TOPAZ1: variants seen among roughly 807,000 people sequenced by gnomAD.
TOPAZ1 encodes protein TOPAZ1.
Under a neutral mutation model 172.2 loss-of-function variants are expected in TOPAZ1, and 66 were observed. The observed-to-expected ratio is 0.38, with a 90% confidence interval of 0.31 to 0.47. The LOEUF is 0.47. Among genes scored for constraint, TOPAZ1 ranks in the 20% least tolerant of loss-of-function variants. TOPAZ1 has a pLI of 0.99. For synonymous variants in TOPAZ1, 681 were observed against 683.9 expected, an observed-to-expected ratio of 1.00 and a Z score of 0.07; for missense variants, 1,822 against 1,972.4, an observed-to-expected ratio of 0.92 and a Z score of 1.44.
intron 4 of TOPAZ1, among the ~76,000 whole-genome samples, chr3:44,261,632 A>G (rs9821268): frequency 0.48 from 72,639 of 152,020 alleles, 18,236 homozygotes; most frequent in East Asian, 0.81. Context: ...TGCCTTGTCT[A>G]TTCGCACTCT....
At chr3:44,332,117 T>C (rs1700678012), downstream of TOPAZ1, 9 of 748,614 alleles carry the variant, frequency 1.2e-5, no homozygotes, top group South Asian at 1.9e-4. Context: ...TTTGACTTTA[T>C]TGACTTACAG....
chr3:44,315,533 A>ATTTT lies in TOPAZ1; in HGVS notation c.4307-5478_4307-5475dup, dbSNP rs369669969. Among the ~76,000 whole-genome samples, 506 of 128,888 alleles carry ATTTT rather than the reference A, an allele frequency of 3.9e-3. 10 individuals are homozygous for ATTTT. Among genetic ancestry groups the ATTTT allele is most frequent in the African/African-American group, 0.014 (481 of 33,732 alleles). 84.6% of individuals were successfully genotyped at this position (128,888 alleles called of 152,430 possible). ...CAGGTGTGCACCACCACGTCTGGCTATTTTTTTTTTTTTTTTTTTAGTAGG... is the reference window on the plus strand; with the variant it reads ...CAGGTGTGCACCACCACGTCTGGCTATTTTTTTTTTTTTTTTTTTTTTTAGTAGG... On this transcript the variant is annotated intron_variant, in intron 16 of 19. Coordinates refer to ENST00000309765, the MANE Select transcript of TOPAZ1 (RefSeq NM_001145030.2).
At chr3:44,273,686 A>G (rs1250539319) in intron 8 of TOPAZ1, among the ~76,000 whole-genome samples, 1 of 152,124 alleles carries the variant, frequency 6.6e-6, no homozygotes, top group Non-Finnish European at 1.5e-5. Context: ...AGCCACAATA[A>G]TATGTGGCAA....
chr3:44,242,007 C>A lies in TOPAZ1; in HGVS notation c.-47C>A. On this transcript the variant is annotated 5_prime_UTR_variant, in exon 1 of 20. Coordinates refer to ENST00000309765, the MANE Select transcript of TOPAZ1 (RefSeq NM_001145030.2). Reference sequence around the variant, plus strand: ...AGCAGCGTTTGCACCGCGGTGGGTTCCTGCGAGCTGGTGCAGAGGGGCCCC... The same window carrying A: ...AGCAGCGTTTGCACCGCGGTGGGTTACTGCGAGCTGGTGCAGAGGGGCCCC... 1.3e-6 allele frequency: 2 copies of A among 1,512,468 alleles called. No homozygotes were observed. Among genetic ancestry groups the A allele is most frequent in the South Asian group, 1.2e-5 (1 of 82,698 alleles). The allele number at this position is 1,512,468 out of a possible 1,614,324, so 93.7% of individuals were successfully genotyped here.
At chr3:44,261,853 A>T (rs1444419806) in intron 4 of TOPAZ1, among the ~76,000 whole-genome samples, 1 of 152,008 alleles carries the variant, frequency 6.6e-6, no homozygotes, top group Non-Finnish European at 1.5e-5. Context: ...TGTAATTCTC[A>T]TTATAGAGAT....
rs1389528571 is a variant in TOPAZ1 at position 44,267,007 on chromosome 3, A to G, written c.3031A>G (p.Arg1011Gly). Residue 1011 changes from arginine (R) to glycine (G), a missense_variant, in exon 6 of 20, where the codon AGA becomes GGA. This residue lies in a region of TOPAZ1 where 1,489 missense variants were observed against 1,490.8 expected (regional missense o/e 1.00). Coordinates refer to ENST00000309765, the MANE Select transcript of TOPAZ1 (RefSeq NM_001145030.2). ...IYEVCKSKDS[R>G]NADFMVGECQ... The stretch of plus-strand genomic sequence containing the variant: ...TTTCCTTTCACACAGCAAAGATTCT[A>G]GAAATGCAGACTTTATGGTCGGCGA... 7 of 1,538,638 alleles carry G rather than the reference A, an allele frequency of 4.5e-6. No homozygotes were observed. Among genetic ancestry groups the G allele is most frequent in the Non-Finnish European group, 6.1e-6 (7 of 1,142,614 alleles).
At chr3:44,262,570 T>C (rs1295513822) in intron 5 of TOPAZ1, 87 bp downstream of exon 5, 2 of 673,218 alleles carry the variant, frequency 3.0e-6, no homozygotes, top group Non-Finnish European at 4.9e-6. Flanking sequence ...CTCTGCTGTT[T>C]ATATGCTTGG....
chr3:44,250,255 A>AAC (rs1180651270), intron 2 of TOPAZ1, among the ~76,000 whole-genome samples: 8 of 151,442 alleles, frequency 5.3e-5, no homozygotes, highest in Non-Finnish European at 1.0e-4. Context: ...AAAAAAAAAA[A>AAC]AAAAAACAGG....
chr3:44,322,969 G>A (rs1346986528), intron 17 of TOPAZ1, 123 bp from the exon 18 acceptor site: 1 of 570,404 alleles, frequency 1.8e-6, no homozygotes, highest in Non-Finnish European at 3.0e-6. Context: ...GCATTTTAGT[G>A]ACTGTGAGTC....
chr3:44,242,005 T>G lies in TOPAZ1; in HGVS notation c.-49T>G. The G allele has an allele frequency of 6.6e-7, 1 of 1,507,612 alleles. No individual in the cohort carries two copies. The highest frequency in any genetic ancestry group is 8.9e-7 in the Non-Finnish European group (1 of 1,124,222). 93.4% of individuals were successfully genotyped at this position (1,507,612 alleles called of 1,614,324 possible). A position where few individuals can be genotyped will look rare whatever the true frequency, so the allele number is the denominator to read the frequency against. Reference sequence around the variant, plus strand: ...GGAGCAGCGTTTGCACCGCGGTGGGTTCCTGCGAGCTGGTGCAGAGGGGCC... The same window carrying G: ...GGAGCAGCGTTTGCACCGCGGTGGGGTCCTGCGAGCTGGTGCAGAGGGGCC... On this transcript the variant is annotated 5_prime_UTR_variant, in exon 1 of 20. Coordinates refer to ENST00000309765, the MANE Select transcript of TOPAZ1 (RefSeq NM_001145030.2).
At position 44,309,914 on chromosome 3, in the gene TOPAZ1, A is replaced by T; in HGVS notation, c.4230A>T (p.Arg1410Ser). 1 of 1,551,640 alleles carries T rather than the reference A, an allele frequency of 6.4e-7. No individual in the cohort carries two copies. The highest frequency in any genetic ancestry group is 8.7e-7 in the Non-Finnish European group (1 of 1,146,910). The change falls in exon 16 of 20, where the codon AGA becomes AGT. Residue 1410 changes from arginine (R) to serine (S), a missense_variant. Physicochemically the swap from Arg to Ser is moderately radical, Grantham distance 110 (BLOSUM62 -1). Transcript: ENST00000309765. ...TAGGGCCTGAGAAGTTAGCATCAAG[A>T]TGTCAAATTGTGAATGTTGCAGCAG... ...GLIGPEKLAS[R>S]CQIVNVAAEI...
At chr3:44,323,367 T>G in intron 18 of TOPAZ1, 72 bp downstream of exon 18, 1 of 906,636 alleles carries the variant, frequency 1.1e-6, no homozygotes. Context: ...TTATAATATA[T>G]AAGATTAGAT....
At chr3:44,265,868 A>G (rs1015681565) in intron 5 of TOPAZ1, among the ~76,000 whole-genome samples, 3 of 152,212 alleles carry the variant, frequency 2.0e-5, no homozygotes, top group South Asian at 2.1e-4. Flanking sequence ...GAGCCAGTCT[A>G]TTCGTTGAAT....
At chr3:44,248,109 T>C (rs946081376) in intron 2 of TOPAZ1, among the ~76,000 whole-genome samples, 1 of 152,228 alleles carries the variant, frequency 6.6e-6, no homozygotes, top group Admixed American at 6.5e-5. Context: ...AGTTTACATA[T>C]TTCCCCCTCA....
At chr3:44,283,104 A>G (rs914056838) in intron 9 of TOPAZ1, among the ~76,000 whole-genome samples, 8 of 152,198 alleles carry the variant, frequency 5.3e-5, no homozygotes, top group African/African-American at 1.9e-4. Flanking sequence ...GTCTGACTGT[A>G]TAAAGATCCA....
intron 4 of TOPAZ1, among the ~76,000 whole-genome samples, chr3:44,260,053 T>A (rs1699758378): frequency 6.6e-6 from 1 of 152,196 alleles, no homozygotes; most frequent in South Asian, 2.1e-4. Context: ...TATTAGCGTT[T>A]GGTAGTTCCT....
In TOPAZ1 at chr3:44,254,978, G is replaced by C. The variant is rs1182358297; in HGVS notation, c.2776G>C (p.Val926Leu). 6.4e-7 allele frequency: 1 copy of C among 1,551,130 alleles called. No individual in the cohort carries two copies. Residue 926 changes from valine to leucine, a missense_variant, in exon 3 of 20, where the codon GTA becomes CTA. This residue lies in a region of TOPAZ1 where 1,489 missense variants were observed against 1,490.8 expected (regional missense o/e 1.00). Transcript: ENST00000309765. ...TTTGCTTTATAATAGAGAACTTCCT[G>C]TACTGGACTGTGGATGGATAAAGCC... The part of the protein sequence containing the change: ...EPSDDLRELP[V>L]LDCGWIKPDI...
chr3:44,252,924 A>G (rs538582013), intron 2 of TOPAZ1, among the ~76,000 whole-genome samples: 1 of 152,332 alleles, frequency 6.6e-6, no homozygotes, highest in East Asian at 1.9e-4. Context: ...AGCATGTACC[A>G]TAAAATGATA....
At chr3:44,296,135 A>G (rs1400970858) in intron 12 of TOPAZ1, among the ~76,000 whole-genome samples, 1 of 152,226 alleles carries the variant, frequency 6.6e-6, no homozygotes. Flanking sequence ...GTGAAGAGAA[A>G]GTTTCAAAAC....
Sources: gnomAD v4.1 joint callset for allele counts (sites outside exome capture counted in the v4.1 genomes callset) on GRCh38, gnomAD v4.1.1 for gene constraint, gnomAD v4.1.1 regional missense constraint, MANE v1.5 for transcripts, NCBI Gene and HGNC (gene_info 2026-07-23, HGNC 2026-07-21) for gene names.